STXBP6: variants seen among roughly 807,000 people sequenced by gnomAD.
STXBP6 encodes syntaxin-binding protein 6.
In STXBP6, 21 loss-of-function variants were observed where a neutral mutation model predicts 26.9. The observed-to-expected ratio is 0.78, with a 90% CI of 0.55 to 1.12. STXBP6 has a LOEUF of 1.12. STXBP6 is among the 50% of genes most tolerant of loss of function. STXBP6 has a pLI of 0.00. For synonymous variants in STXBP6, 97 were observed against 92.6 expected, an observed-to-expected ratio of 1.05 and a Z score of -0.27; for missense variants, 232 against 257.9, an observed-to-expected ratio of 0.90 and a Z score of 0.69.
At chr14:25,014,848 C>CT (rs369597140) in intron 1 of STXBP6, among the ~76,000 whole-genome samples, 27 of 152,086 alleles carry the variant, frequency 1.8e-4, no homozygotes, top group African/African-American at 6.0e-4. Context: ...GAAAACAGTA[C>CT]TTTTTTTTCT....
At chr14:24,858,480 C>T (rs951802428) in intron 2 of STXBP6, among the ~76,000 whole-genome samples, 1 of 152,048 alleles carries the variant, frequency 6.6e-6, no homozygotes, top group Non-Finnish European at 1.5e-5. Context: ...GTTTATCACC[C>T]ATTATTTCAG....
chr14:24,913,542 C>T (rs1033174480), intron 2 of STXBP6, among the ~76,000 whole-genome samples: 3 of 152,046 alleles, frequency 2.0e-5, no homozygotes, highest in African/African-American at 4.8e-5. Context: ...TGTATGTGTC[C>T]GAGGCTACTT....
chr14:24,893,353 T>C (rs779452042), intron 2 of STXBP6, among the ~76,000 whole-genome samples: 1 of 152,150 alleles, frequency 6.6e-6, no homozygotes, highest in African/African-American at 2.4e-5. Context: ...TTAAATCCAT[T>C]TTACACATGG....
chr14:24,888,578 C>A (rs181971593), intron 2 of STXBP6, among the ~76,000 whole-genome samples: 153 of 152,144 alleles, frequency 1.0e-3, no homozygotes, highest in Middle Eastern at 3.4e-3. Flanking sequence ...CAAAAATTAG[C>A]TGGGCGTGGC....
At chr14:24,855,724 A>G (rs1200331459) in intron 4 of STXBP6, among the ~76,000 whole-genome samples, 4 of 152,138 alleles carry the variant, frequency 2.6e-5, no homozygotes, top group Admixed American at 2.6e-4. Flanking sequence ...ATTCTAAAAA[A>G]GACCAGCTTT....
At chr14:24,871,077 C>G (rs933771666) in intron 2 of STXBP6, among the ~76,000 whole-genome samples, 34 of 149,206 alleles carry the variant, frequency 2.3e-4, no homozygotes, top group Non-Finnish European at 3.9e-4. Flanking sequence ...TTTTTTTTCT[C>G]TAGAAACCAC....
chr14:24,909,818 G>C (rs2071507469), intron 2 of STXBP6, among the ~76,000 whole-genome samples: 1 of 151,226 alleles, frequency 6.6e-6, no homozygotes, highest in Non-Finnish European at 1.5e-5. Flanking sequence ...CTGGGTAACA[G>C]AGAAAGACTC....
chr14:25,048,339 A>T (rs117066378), intron 1 of STXBP6, among the ~76,000 whole-genome samples: 3 of 152,360 alleles, frequency 2.0e-5, no homozygotes, highest in African/African-American at 7.2e-5. Flanking sequence ...TCCGTTTGAC[A>T]GAAGAGAAAA....
intron 2 of STXBP6, among the ~76,000 whole-genome samples, chr14:24,916,250 T>C (rs920222000): frequency 9.9e-5 from 15 of 152,130 alleles, no homozygotes; most frequent in Non-Finnish European, 1.6e-4. Context: ...AAAACTAAGA[T>C]TGACCAGGTA....
rs539670104 is a variant in STXBP6 at position 25,004,677 on chromosome 14, C to T, written c.-32-29827G>A. Among the ~76,000 whole-genome samples the T allele has an allele frequency of 2.2e-4, 33 of 152,296 alleles. No homozygotes were observed. The South Asian group carries it at 6.4e-3, about 30-fold the overall frequency. ...CTCTTTGAGGGCAGAGTCCATGTTT[C>T]TTTCATTTCTATGTATCCCGATACC... is the stretch of plus-strand genomic sequence containing the variant. On this transcript the variant is annotated intron_variant, in intron 1 of 5. Transcript: ENST00000323944.
At chr14:24,962,287 TTTTATTTATTTATTTATTTATTTATTTA>T (rs72330952) in intron 2 of STXBP6, among the ~76,000 whole-genome samples, 3 of 140,224 alleles carry the variant, frequency 2.1e-5, no homozygotes, top group Non-Finnish European at 3.1e-5. Context: ...GTACAAGATA[TTTTATTTATTTATTTATTTATTTATTTA>T]TTTATTTATT....
At chr14:24,961,489 T>C (rs925405688) in intron 2 of STXBP6, among the ~76,000 whole-genome samples, 1 of 149,742 alleles carries the variant, frequency 6.7e-6, no homozygotes, top group Non-Finnish European at 1.5e-5. Flanking sequence ...TATGCTGCTA[T>C]AGAAAAGAAT....
At chr14:25,027,717 G>A (rs912124049) in intron 1 of STXBP6, among the ~76,000 whole-genome samples, 3 of 152,220 alleles carry the variant, frequency 2.0e-5, no homozygotes, top group African/African-American at 7.2e-5. Context: ...AAAGCATGTC[G>A]AAAGCCAGGA....
rs79877026 is a variant in STXBP6 at position 24,874,662 on chromosome 14, T to C, written c.155-17505A>G. Among the ~76,000 whole-genome samples the C allele has an allele frequency of 3.9e-3, 593 of 152,286 alleles. 4 individuals carry two copies. Among genetic ancestry groups the C allele is most frequent in the African/African-American group, 0.013 (552 of 41,560 alleles). ...AATTCAAAGAGTAAAGCTAATTAAG[T>C]GACTATTTTTCAGATATGAGAAAAA... is the stretch of plus-strand genomic sequence containing the variant. On this transcript the variant is annotated intron_variant, in intron 2 of 5. Transcript: ENST00000323944.
chr14:25,048,386 A>C (rs771267035), intron 1 of STXBP6, among the ~76,000 whole-genome samples: 2 of 152,238 alleles, frequency 1.3e-5, no homozygotes, highest in African/African-American at 2.4e-5. Flanking sequence ...GTCCATCAGC[A>C]CTGTCATCAG....
intron 2 of STXBP6, among the ~76,000 whole-genome samples, chr14:24,946,475 A>C (rs945686199): frequency 6.6e-6 from 1 of 152,188 alleles, no homozygotes; most frequent in East Asian, 1.9e-4. Context: ...TTTGATGCCA[A>C]AAGGGAAAAA....
chr14:24,953,908 T>C (rs887039782), intron 2 of STXBP6, among the ~76,000 whole-genome samples: 3 of 152,132 alleles, frequency 2.0e-5, no homozygotes, highest in Admixed American at 1.3e-4. Flanking sequence ...ATAAGAAACA[T>C]TACTTGCTGT....
chr14:24,893,074 C>T lies in STXBP6; in HGVS notation c.155-35917G>A, dbSNP rs190085157. Among the ~76,000 whole-genome samples the T allele has an allele frequency of 3.3e-3, 506 of 152,294 alleles. 1 individual carries two copies. Among genetic ancestry groups the T allele is most frequent in the Non-Finnish European group, 5.6e-3 (380 of 68,028 alleles). Reference sequence around the variant, plus strand: ...TGCAGGTATGGTGCACACAACCTGACCACTGTTTTCTAGGTGAGCTGTGGT... The same window carrying T: ...TGCAGGTATGGTGCACACAACCTGATCACTGTTTTCTAGGTGAGCTGTGGT... On this transcript the variant is annotated intron_variant, in intron 2 of 5. Transcript: ENST00000323944.
intron 2 of STXBP6, among the ~76,000 whole-genome samples, chr14:24,945,762 G>A (rs1384318755): frequency 1.3e-5 from 2 of 152,150 alleles, no homozygotes; most frequent in East Asian, 3.9e-4. Context: ...TATGTGCTAG[G>A]CATTGTTCTA....
Sources: gnomAD v4.1 joint callset for allele counts (sites outside exome capture counted in the v4.1 genomes callset) on GRCh38, gnomAD v4.1.1 for gene constraint, MANE v1.5 for transcripts, NCBI Gene and HGNC (gene_info 2026-07-23, HGNC 2026-07-21) for gene names.